MAGI2: variants seen among roughly 807,000 people sequenced by gnomAD.
The protein encoded by MAGI2 is membrane associated guanylate kinase, WW and PDZ domain containing 2.
In MAGI2, 35 loss-of-function variants were observed where a neutral mutation model predicts 133.3. The ratio of observed to expected loss-of-function variants is 0.26; its 90% confidence interval spans 0.20 to 0.35. The LOEUF (loss-of-function observed/expected upper bound fraction) is 0.35, where lower values mean the gene tolerates loss of function less well. Among genes scored for constraint, MAGI2 ranks in the 10% least tolerant of loss-of-function variants. The pLI, the probability that MAGI2 is intolerant of heterozygous loss-of-function variation, is 1.00. For synonymous variants in MAGI2, 729 were observed against 710.6 expected (o/e 1.03, Z -0.41); for missense variants, 1,636 against 1,863.4 (o/e 0.88, Z 2.25).
chr7:78,493,695 G>T (rs910404321), intron 5 of MAGI2, among the ~76,000 whole-genome samples: 5 of 152,028 alleles, frequency 3.3e-5, no homozygotes, highest in African/African-American at 1.2e-4. Flanking sequence ...ATACTGAGGT[G>T]CTTCATTTCA....
chr7:79,058,686 G>A (rs1018650957), intron 1 of MAGI2, among the ~76,000 whole-genome samples: 2 of 152,056 alleles, frequency 1.3e-5, no homozygotes, highest in Admixed American at 1.3e-4. Flanking sequence ...TAGGAGGTAG[G>A]AGAATAACAG....
intron 11 of MAGI2, among the ~76,000 whole-genome samples, chr7:78,197,399 G>A (rs993842269): frequency 6.6e-6 from 1 of 152,186 alleles, no homozygotes; most frequent in Admixed American, 6.6e-5. Context: ...TCATCACAAG[G>A]CTTCAGCAAA....
intron 1 of MAGI2, among the ~76,000 whole-genome samples, chr7:79,182,039 G>T (rs1826668039): frequency 1.3e-5 from 2 of 151,948 alleles, no homozygotes; most frequent in Non-Finnish European, 2.9e-5. Flanking sequence ...CATTCAAGAA[G>T]TCTCGAGGGA....
chr7:78,136,162 C>T (rs1822103122), intron 16 of MAGI2, among the ~76,000 whole-genome samples: 1 of 149,292 alleles, frequency 6.7e-6, no homozygotes, highest in Non-Finnish European at 1.5e-5. Context: ...GTCGCCCAGG[C>T]TGGAGTGCAG....
chr7:78,633,705 C>CAA (rs36102006), intron 2 of MAGI2, among the ~76,000 whole-genome samples: 4,183 of 80,524 alleles, frequency 0.052, 193 homozygotes, highest in Middle Eastern at 0.099. Flanking sequence ...GACTCCGTCT[C>CAA]AAAAAAAAAA....
intron 3 of MAGI2, among the ~76,000 whole-genome samples, chr7:78,626,286 C>T (rs866703648): frequency 3.3e-5 from 5 of 151,994 alleles, no homozygotes; most frequent in African/African-American, 1.2e-4. Flanking sequence ...TACACAGATA[C>T]ATATTTTCAT....
chr7:78,468,900 G>A (rs991372341), intron 6 of MAGI2, among the ~76,000 whole-genome samples: 2 of 152,112 alleles, frequency 1.3e-5, no homozygotes, highest in Admixed American at 6.6e-5. Context: ...ACACGGGTGG[G>A]CAGGATCATG....
chr7:78,454,118 C>T (rs761547216), intron 6 of MAGI2, among the ~76,000 whole-genome samples: 5 of 152,164 alleles, frequency 3.3e-5, no homozygotes, highest in African/African-American at 4.8e-5. Context: ...ACTGACCTGT[C>T]TACCATTCTC....
At chr7:79,402,403 C>G (rs1845530829) in intron 1 of MAGI2, among the ~76,000 whole-genome samples, 1 of 152,086 alleles carries the variant, frequency 6.6e-6, no homozygotes, top group African/African-American at 2.4e-5. Context: ...TCATGTTTGT[C>G]TGTTACACAA....
At chr7:78,573,472 G>C (rs1801946353) in intron 3 of MAGI2, among the ~76,000 whole-genome samples, 1 of 129,486 alleles carries the variant, frequency 7.7e-6, no homozygotes, top group South Asian at 2.5e-4. Flanking sequence ...CAGAGCAGCA[G>C]CCTGGACCTG....
At chr7:78,092,963 C>G (rs966263399) in intron 20 of MAGI2, among the ~76,000 whole-genome samples, 10 of 151,748 alleles carry the variant, frequency 6.6e-5, no homozygotes, top group African/African-American at 2.4e-4. Flanking sequence ...GAAACCCCGT[C>G]TCTACTAAAG....
At chr7:78,450,234 C>T (rs1788581996) in intron 6 of MAGI2, among the ~76,000 whole-genome samples, 1 of 151,906 alleles carries the variant, frequency 6.6e-6, no homozygotes, top group African/African-American at 2.4e-5. Context: ...GCATAACATT[C>T]ATATGATTTA....
chr7:78,657,464 A>G (rs1412337372), intron 2 of MAGI2, among the ~76,000 whole-genome samples: 1 of 152,216 alleles, frequency 6.6e-6, no homozygotes, highest in African/African-American at 2.4e-5. Context: ...TGGCACATCC[A>G]AAAAATGAAA....
intron 3 of MAGI2, among the ~76,000 whole-genome samples, chr7:78,603,874 T>G (rs1563229828): frequency 6.6e-6 from 1 of 152,292 alleles, no homozygotes; most frequent in East Asian, 1.9e-4. Flanking sequence ...GAGACCTATT[T>G]GTTCAAATGG....
rs149788947 is a variant in MAGI2, at chr7:78,673,183, C to T, written c.419-45944G>A. ...TTTATAATTGGTGAGTAACTCATTTCGTTAATGACATTTATAAATTTTTAA... is the reference window on the plus strand; with the variant it reads ...TTTATAATTGGTGAGTAACTCATTTTGTTAATGACATTTATAAATTTTTAA... On this transcript the variant is annotated intron_variant, in intron 2 of 21. Transcript: ENST00000354212. Among the ~76,000 whole-genome samples the T allele has an allele frequency of 2.0e-5, 3 of 151,978 alleles. No homozygotes were observed. In the East Asian group the frequency reaches 5.8e-4, roughly 29 times the overall value.
At chr7:78,282,312 C>CTGTT (rs1158650227) in intron 9 of MAGI2, among the ~76,000 whole-genome samples, 1 of 152,214 alleles carries the variant, frequency 6.6e-6, no homozygotes, top group East Asian at 1.9e-4. Flanking sequence ...TGAAGTGATA[C>CTGTT]TGTTTGTCTT....
chr7:78,532,273 A>G (rs1407576701), intron 3 of MAGI2, among the ~76,000 whole-genome samples: 1 of 152,238 alleles, frequency 6.6e-6, no homozygotes, highest in Non-Finnish European at 1.5e-5. Flanking sequence ...TGAATTGACA[A>G]TGAATAGAGA....
intron 1 of MAGI2, among the ~76,000 whole-genome samples, chr7:79,182,687 G>A (rs768310957): frequency 4.0e-5 from 6 of 151,804 alleles, no homozygotes; most frequent in Admixed American, 2.0e-4. Context: ...CTAAGAGTAC[G>A]TCCAAAGAAA....
chr7:78,109,150 A>C, intron 20 of MAGI2, among the ~76,000 whole-genome samples: 1 of 149,400 alleles, frequency 6.7e-6, no homozygotes, highest in Admixed American at 6.7e-5. Flanking sequence ...TAAAAATACA[A>C]AATATTAGCT....
Sources: gnomAD v4.1 joint callset for allele counts (sites outside exome capture counted in the v4.1 genomes callset) on GRCh38, gnomAD v4.1.1 for gene constraint, MANE v1.5 for transcripts, NCBI Gene and HGNC (gene_info 2026-07-23, HGNC 2026-07-21) for gene names.